CHM: variants seen among roughly 807,000 people sequenced by gnomAD.
CHM encodes the protein CHM Rab escort protein.
In CHM, 10 loss-of-function variants were observed where a neutral mutation model predicts 49.0. That is an observed-to-expected ratio of 0.20 (90% CI 0.13 to 0.35). The LOEUF is 0.35. CHM is among the 10% of genes least tolerant of loss of function. The pLI is 1.00. For missense variants in CHM, 455 were observed against 478.4 expected (o/e 0.95, Z 0.46); for synonymous variants, 184 against 167.5 (o/e 1.10, Z -0.76).
At chrX:85,948,535 T>A (rs1337081375) in intron 8 of CHM, among the ~76,000 whole-genome samples, 2 of 112,324 alleles carry the variant, frequency 1.8e-5, no homozygotes, top group Non-Finnish European at 1.9e-5. Context: ...GGACATTTAT[T>A]CATGAAAGTT....
Position 85,880,510 on chromosome X carries a change from G to C in CHM, c.1511-1447C>G, listed in dbSNP as rs746169175. 4.5e-5 allele frequency among the ~76,000 whole-genome samples: 5 copies of C among 111,183 alleles called. No homozygotes were observed. The South Asian group carries it at 1.9e-3, about 42-fold the overall frequency. ...TTCTCAATTTTCCAGTTTTTTGCTTGTTTGTTAATGTTTATTTGGGAAAAA... is the reference window on the plus strand; with the variant it reads ...TTCTCAATTTTCCAGTTTTTTGCTTCTTTGTTAATGTTTATTTGGGAAAAA... On this transcript the variant is annotated intron_variant, in intron 12 of 14. Transcript: ENST00000357749.
chrX:85,891,364 T>C (rs1247895227), intron 12 of CHM, among the ~76,000 whole-genome samples: 2 of 111,913 alleles, frequency 1.8e-5, no homozygotes, highest in Non-Finnish European at 3.8e-5. Flanking sequence ...TCTCTCACCA[T>C]AGGCCTAGAG....
At chrX:85,886,949 A>C (rs1925123492) in intron 12 of CHM, among the ~76,000 whole-genome samples, 1 of 106,010 alleles carries the variant, frequency 9.4e-6, no homozygotes, top group Admixed American at 1.1e-4. Context: ...TACAGTAATG[A>C]ATGTTATTTT....
intron 8 of CHM, among the ~76,000 whole-genome samples, chrX:85,925,090 G>A (rs1056378097): frequency 2.7e-5 from 3 of 110,767 alleles, no homozygotes; most frequent in Non-Finnish European, 5.7e-5. Flanking sequence ...TTGTACCAGG[G>A]GTCCAGAATA....
chrX:86,011,855 T>G (rs1433474335), intron 2 of CHM, among the ~76,000 whole-genome samples: 1 of 111,149 alleles, frequency 9.0e-6, no homozygotes, highest in Non-Finnish European at 1.9e-5. Flanking sequence ...GGAAGGGCCA[T>G]GAGCCAAAGG....
intron 3 of CHM, among the ~76,000 whole-genome samples, chrX:85,979,856 T>A (rs904612960): frequency 3.6e-5 from 4 of 111,744 alleles, no homozygotes; most frequent in Admixed American, 9.6e-5. Context: ...TGAAGAAAAG[T>A]AGTGACATAC....
intron 8 of CHM, among the ~76,000 whole-genome samples, chrX:85,926,783 C>T (rs1928108709): frequency 9.0e-6 from 1 of 110,994 alleles, no homozygotes; most frequent in South Asian, 3.8e-4. Flanking sequence ...GTAATACTTC[C>T]ATTTTTAATA....
At chrX:85,957,324 T>C (rs767142731) in intron 7 of CHM, among the ~76,000 whole-genome samples, 24 of 111,495 alleles carry the variant, frequency 2.2e-4, no homozygotes, top group Admixed American at 1.1e-3. Flanking sequence ...CATAATGAAA[T>C]AGGTCAAAGC....
At chrX:85,971,268 T>G in intron 4 of CHM, 4 of 752,161 alleles carry the variant, frequency 5.3e-6, no homozygotes, top group Non-Finnish European at 6.3e-6. Context: ...GTGTCCGGAA[T>G]TGGTGGGTTC....
intron 12 of CHM, among the ~76,000 whole-genome samples, chrX:85,886,311 A>G (rs1257339685): frequency 2.7e-5 from 3 of 112,299 alleles, no homozygotes; most frequent in African/African-American, 9.7e-5. Context: ...TTATGTTTCT[A>G]CATTATTCTG....
At chrX:85,971,559 T>C (rs1466644398) in intron 4 of CHM, 1 of 296,051 alleles carries the variant, frequency 3.4e-6, no homozygotes, top group Non-Finnish European at 6.5e-6. Flanking sequence ...TCGCGGTGAG[T>C]GTTACAGCTC....
chrX:85,960,179 A>G (rs1255399517), intron 5 of CHM, among the ~76,000 whole-genome samples: 13 of 111,717 alleles, frequency 1.2e-4, no homozygotes, highest in African/African-American at 4.2e-4. Flanking sequence ...TTGTTTAAAA[A>G]GATACACATT....
chrX:86,030,652 T>C (rs1191411401), intron 1 of CHM, among the ~76,000 whole-genome samples: 1 of 110,812 alleles, frequency 9.0e-6, no homozygotes, highest in Admixed American at 9.6e-5. Context: ...AAAACTGTGA[T>C]AGAAACACAA....
At chrX:85,981,360 AG>A in intron 3 of CHM, among the ~76,000 whole-genome samples, 1 of 105,424 alleles carries the variant, frequency 9.5e-6, no homozygotes, top group East Asian at 3.0e-4. Flanking sequence ...CAGCCTCCTG[AG>A]TAGCTGGGAC....
intron 1 of CHM, among the ~76,000 whole-genome samples, chrX:86,041,738 A>ATG (rs1248063308): frequency 1.0e-5 from 1 of 98,483 alleles, no homozygotes; most frequent in Non-Finnish European, 2.0e-5. Context: ...ATATATATAT[A>ATG]TATATATATA....
intron 2 of CHM, among the ~76,000 whole-genome samples, chrX:86,013,079 C>A (rs1323305290): frequency 9.0e-6 from 1 of 111,531 alleles, no homozygotes; most frequent in Non-Finnish European, 1.9e-5. Context: ...TCAGCACACA[C>A]TCCCCTATTC....
intron 8 of CHM, among the ~76,000 whole-genome samples, chrX:85,926,131 AAC>A (rs1491561542): frequency 1.8e-5 from 2 of 111,360 alleles, no homozygotes; most frequent in Non-Finnish European, 3.8e-5. Context: ...TTAAAAAAAA[AAC>A]ACAAAAAACT....
At chrX:85,995,197 T>C (rs1351699434) in intron 2 of CHM, among the ~76,000 whole-genome samples, 1 of 103,741 alleles carries the variant, frequency 9.6e-6, no homozygotes, top group Non-Finnish European at 2.0e-5. Flanking sequence ...ATACATAAAT[T>C]ACTTTTAAAT....
intron 9 of CHM, among the ~76,000 whole-genome samples, chrX:85,906,411 G>A (rs1350413317): frequency 1.8e-5 from 2 of 112,091 alleles, no homozygotes; most frequent in Non-Finnish European, 3.8e-5. Flanking sequence ...CACTTACAAT[G>A]TGTAACAAAT....
Sources: gnomAD v4.1 joint callset for allele counts (sites outside exome capture counted in the v4.1 genomes callset) on GRCh38, gnomAD v4.1.1 for gene constraint, MANE v1.5 for transcripts, NCBI Gene and HGNC (gene_info 2026-07-23, HGNC 2026-07-21) for gene names.